Variants in ATP8B1 observed in about 807,000 individuals in gnomAD.
The protein encoded by ATP8B1 is ATPase phospholipid transporting 8B1.
A neutral mutation model predicts 149.9 loss-of-function variants in ATP8B1; 80 were observed. The ratio of observed to expected loss-of-function variants is 0.53; its 90% CI spans 0.45 to 0.64. ATP8B1 has a LOEUF of 0.64. ATP8B1 is among the 30% of genes least tolerant of loss of function. ATP8B1 has a pLI of 0.00. For synonymous variants in ATP8B1, 536 were observed against 562.8 expected, an observed-to-expected ratio of 0.95 and a Z score of 0.67; for missense variants, 1,247 against 1,552.6, an observed-to-expected ratio of 0.80 and a Z score of 3.31.
intron 2 of ATP8B1, among the ~76,000 whole-genome samples, chr18:57,709,531 C>T (rs918497829): frequency 3.9e-5 from 6 of 152,044 alleles, no homozygotes; most frequent in South Asian, 2.1e-4. Flanking sequence ...CAAAACAGCA[C>T]GTGGAGGAAT....
chr18:57,695,081 T>C (rs909793473), intron 10 of ATP8B1, 90 bp downstream of exon 10: 3 of 1,258,606 alleles, frequency 2.4e-6, no homozygotes, highest in South Asian at 2.5e-5. Context: ...ACTCTTCTTT[T>C]GGTTTTGATG....
chr18:57,671,333 C>T (rs914126316), intron 17 of ATP8B1, 135 bp downstream of exon 17: 3 of 784,310 alleles, frequency 3.8e-6, no homozygotes, highest in Non-Finnish European at 6.5e-6. Flanking sequence ...TCCTACTTTA[C>T]TGCTCTTTCC....
rs2080586788 is a variant in ATP8B1 at position 57,802,377 on chromosome 18, C to A, written c.-26+621G>T. Among the ~76,000 whole-genome samples, 2 of 152,200 alleles carry A rather than the reference C, an allele frequency of 1.3e-5. No homozygotes were observed. The highest frequency in any genetic ancestry group is 2.9e-5 in the Non-Finnish European group (2 of 68,032). On this transcript the variant is annotated intron_variant, in intron 1 of 27. Transcript: ENST00000648908. This position sits in a 1 kb window ranked among gnomAD's most constrained non-coding sequence, Gnocchi z 4.9. ...TCACCGGAAAAACAGTGGTGTCGGT[C>A]TTCCCCATCACCTCCCCTCCCCATC...
At chr18:57,670,317 A>C (rs373012376) in intron 17 of ATP8B1, among the ~76,000 whole-genome samples, 1 of 151,824 alleles carries the variant, frequency 6.6e-6, no homozygotes, top group East Asian at 1.9e-4. Flanking sequence ...CCCATGATGA[A>C]CGATTCAAAC....
chr18:57,668,782 C>G (rs1295812721), intron 18 of ATP8B1: 8 of 467,094 alleles, frequency 1.7e-5, no homozygotes, highest in African/African-American at 6.0e-5. Flanking sequence ...GACAAAAATG[C>G]AAGTACAAAA....
In ATP8B1 at chr18:57,674,754, T is replaced by C. The variant is rs1911489302; in HGVS notation, c.1819+80A>G. ...CAAGTAGCTCTTTCACTGGCTGCTT[T>C]ATCCTGATGCCACTCAATACAATGG... On this transcript the variant is annotated intron_variant, in intron 16 of 27. Coordinates refer to ENST00000648908, the MANE Select transcript of ATP8B1 (RefSeq NM_001374385.1). The C allele has an allele frequency of 8.0e-6, 12 of 1,506,890 alleles. No homozygotes were observed. In the East Asian group the frequency reaches 2.7e-4, roughly 34 times the overall value. 93.3% of individuals were successfully genotyped at this position (1,506,890 alleles called of 1,614,324 possible).
intron 1 of ATP8B1, among the ~76,000 whole-genome samples, chr18:57,777,983 T>C (rs1446243634): frequency 6.6e-6 from 1 of 152,218 alleles, no homozygotes; most frequent in Non-Finnish European, 1.5e-5. Flanking sequence ...AAACTGAAGC[T>C]TGGAAACTGT....
At chr18:57,727,153 C>T (rs1268735235) in intron 2 of ATP8B1, among the ~76,000 whole-genome samples, 3 of 152,094 alleles carry the variant, frequency 2.0e-5, no homozygotes, top group Non-Finnish European at 4.4e-5. Context: ...CCTTCCCCAT[C>T]AGTAATCACT....
rs71171079 is a variant in ATP8B1, at chr18:57,736,453, G to GTTTTTTTTTTTTTTTTTTTTTTT, written c.-25-4644_-25-4622dup. On this transcript the variant is annotated intron_variant, in intron 1 of 27. Transcript: ENST00000648908. The stretch of plus-strand genomic sequence containing the variant: ...TTTCTTCTAGTATAAAGTTTTACTA[G>GTTTTTTTTTTTTTTTTTTTTTTT]TTTTTTTTTTTTTTTTTTTTTTTTG... Among the ~76,000 whole-genome samples, 6 of 70,142 alleles carry GTTTTTTTTTTTTTTTTTTTTTTT rather than the reference G, an allele frequency of 8.6e-5. 3 individuals are homozygous for GTTTTTTTTTTTTTTTTTTTTTTT. The highest frequency in any genetic ancestry group is 4.0e-4 in the Admixed American group (2 of 5,038). 46.0% of individuals were successfully genotyped at this position (70,142 alleles called of 152,430 possible).
chr18:57,697,605 G>A lies in ATP8B1; in HGVS notation c.698+13C>T, dbSNP rs752982538. The A allele has an allele frequency of 8.7e-6, 14 of 1,613,182 alleles. No homozygotes were observed. The South Asian group carries it at 1.1e-4, about 13-fold the overall frequency. ...AGGCCAGCTTTAAATCAGGCCCATCGAGACACACTTACCCATCCAGTTCTG... is the reference window on the plus strand; with the variant it reads ...AGGCCAGCTTTAAATCAGGCCCATCAAGACACACTTACCCATCCAGTTCTG... On this transcript the variant is annotated intron_variant, in intron 8 of 27. Coordinates refer to ENST00000648908, the MANE Select transcript of ATP8B1 (RefSeq NM_001374385.1).
At chr18:57,653,248 T>TGGACTCTC (rs971611075) in intron 24 of ATP8B1, among the ~76,000 whole-genome samples, 3 of 151,778 alleles carry the variant, frequency 2.0e-5, no homozygotes, top group African/African-American at 2.4e-5. Flanking sequence ...GGAGACATAT[T>TGGACTCTC]GGACTCTCGG....
intron 6 of ATP8B1, among the ~76,000 whole-genome samples, chr18:57,699,716 G>C (rs1454821436): frequency 8.0e-6 from 1 of 124,272 alleles, no homozygotes; most frequent in Non-Finnish European, 1.8e-5. Context: ...GCGAGACTCC[G>C]TCTCAAAAAA....
intron 1 of ATP8B1, among the ~76,000 whole-genome samples, chr18:57,756,748 C>A (rs2080089079): frequency 6.6e-6 from 1 of 152,048 alleles, no homozygotes; most frequent in Admixed American, 6.6e-5. Flanking sequence ...TCTGTTCTTG[C>A]TGGAACATCA....
In ATP8B1 at chr18:57,740,334, TTTA is replaced by T. The variant is rs1006427768; in HGVS notation, c.-25-8505_-25-8503del. On this transcript the variant is annotated intron_variant, in intron 1 of 27. Coordinates refer to ENST00000648908, the MANE Select transcript of ATP8B1 (RefSeq NM_001374385.1). Reference sequence around the variant, plus strand: ...CCGAAATCTGTTTTTCCTCATTTTGTTTATTATTATTATTAAAGACAATGCTGT... The same window carrying T: ...CCGAAATCTGTTTTTCCTCATTTTGTTTATTATTATTAAAGACAATGCTGT... Among the ~76,000 whole-genome samples the T allele has an allele frequency of 2.0e-3, 306 of 152,082 alleles. 3 individuals carry two copies. The highest frequency in any genetic ancestry group is 7.2e-3 in the African/African-American group (297 of 41,490).
intron 1 of ATP8B1, among the ~76,000 whole-genome samples, chr18:57,755,878 A>C (rs114838856): frequency 0.015 from 2,262 of 152,224 alleles, 67 homozygotes; most frequent in African/African-American, 0.052. Context: ...GGACAGACAG[A>C]TGAAGAGGGC....
At chr18:57,674,673 A>G (rs977445231) in intron 16 of ATP8B1, among the ~76,000 whole-genome samples, 161 bp downstream of exon 16, 1 of 152,188 alleles carries the variant, frequency 6.6e-6, no homozygotes, top group African/African-American at 2.4e-5. Context: ...GGCGTGAGCC[A>G]CCACGCCCAG....
At chr18:57,730,442 G>C (rs319433) in intron 2 of ATP8B1, among the ~76,000 whole-genome samples, 149,692 of 152,218 alleles carry the variant, frequency 0.98, 73,652 homozygotes, top group East Asian at 1. Flanking sequence ...TAGAATTTTA[G>C]GGAACACCAT....
Position 57,662,467 on chromosome 18 carries a change from C to A in ATP8B1, c.2418+16G>T. 6.2e-7 allele frequency: 1 copy of A among 1,613,968 alleles called. No homozygotes were observed. Among genetic ancestry groups the A allele is most frequent in the Non-Finnish European group, 8.5e-7 (1 of 1,179,906 alleles). Reference sequence around the variant, plus strand: ...TTCTTTTGAGTTAAAGGCACAGATACACTAATGATACGTACCAACCAAGAA... The same window carrying A: ...TTCTTTTGAGTTAAAGGCACAGATAAACTAATGATACGTACCAACCAAGAA... On this transcript the variant is annotated intron_variant, in intron 21 of 27. Coordinates refer to ENST00000648908, the MANE Select transcript of ATP8B1 (RefSeq NM_001374385.1).
At position 57,712,109 on chromosome 18, in the gene ATP8B1, G is replaced by T. The variant is rs1463642670; in HGVS notation, c.182-5522C>A. 2.7e-5 allele frequency among the ~76,000 whole-genome samples: 4 copies of T among 150,904 alleles called. No homozygotes were observed. The East Asian group carries it at 7.8e-4, about 29-fold the overall frequency. Reference sequence around the variant, plus strand: ...GAGCAAGGTGGCCAAATAGAAGCTCGCACGAATTGTAATTCCCATAGGAAC... The same window carrying T: ...GAGCAAGGTGGCCAAATAGAAGCTCTCACGAATTGTAATTCCCATAGGAAC... On this transcript the variant is annotated intron_variant, in intron 2 of 27. Coordinates refer to ENST00000648908, the MANE Select transcript of ATP8B1 (RefSeq NM_001374385.1).
Sources: gnomAD v4.1 joint callset for allele counts (sites outside exome capture counted in the v4.1 genomes callset) on GRCh38, gnomAD v4.1.1 for gene constraint, Gnocchi (gnomAD v3.1) non-coding constraint, MANE v1.5 for transcripts, NCBI Gene and HGNC (gene_info 2026-07-23, HGNC 2026-07-21) for gene names.